DCUN1D1: variants seen among roughly 807,000 people sequenced by gnomAD.
DCUN1D1 encodes defective in cullin neddylation 1 domain containing 1, also known as DCN1-like protein 1.
Under a neutral mutation model 39.0 loss-of-function variants are expected in DCUN1D1, and 3 were observed. That is an observed-to-expected ratio of 0.08 (90% confidence interval 0.04 to 0.20). DCUN1D1 has a LOEUF of 0.20. Ranked by LOEUF, DCUN1D1 falls within the 10% of genes least tolerant of loss-of-function variation. The probability of loss-of-function intolerance (pLI) is 1.00; values close to 1 mark genes in which losing one functional copy is unlikely to be tolerated. For synonymous variants in DCUN1D1, 82 were observed against 96.3 expected (o/e 0.85, Z 0.87); for missense variants, 158 against 302.4 (o/e 0.52, Z 3.54).
intron 1 of DCUN1D1, among the ~76,000 whole-genome samples, chr3:182,973,258 G>T (rs1400907944): frequency 6.6e-6 from 1 of 152,136 alleles, no homozygotes; most frequent in African/African-American, 2.4e-5. Flanking sequence ...GATGGACAAA[G>T]GGATGACCAA....
At chr3:182,946,395 A>C (rs966770855) in intron 6 of DCUN1D1, among the ~76,000 whole-genome samples, 1 of 152,066 alleles carries the variant, frequency 6.6e-6, no homozygotes, top group African/African-American at 2.4e-5. Context: ...GTCTCTACTA[A>C]AAATACAAAA....
chr3:182,977,947 G>A (rs1166381579), intron 1 of DCUN1D1, among the ~76,000 whole-genome samples: 3 of 151,416 alleles, frequency 2.0e-5, no homozygotes, highest in Non-Finnish European at 2.9e-5. Flanking sequence ...GGCTTAGGCT[G>A]GAGAATCGCT....
chr3:182,950,657 C>T (rs67343033), intron 4 of DCUN1D1: 17,820 of 151,922 alleles, frequency 0.12, 1,206 homozygotes, highest in Middle Eastern at 0.18. Flanking sequence ...TACTTTTATA[C>T]ATAATTTGTT....
chr3:182,950,715 A>G (rs1395084472), intron 4 of DCUN1D1: 1 of 151,944 alleles, frequency 6.6e-6, no homozygotes, highest in African/African-American at 2.4e-5. Flanking sequence ...TAAAAAATAC[A>G]TAATACTGGC....
intron 1 of DCUN1D1, chr3:182,980,150 C>G (rs1044488202): frequency 3.7e-5 from 29 of 775,980 alleles, no homozygotes; most frequent in African/African-American, 7.5e-5. Context: ...CCGTTGCCCC[C>G]TCCCCTCCCC....
intron 6 of DCUN1D1, among the ~76,000 whole-genome samples, chr3:182,946,787 G>C (rs142151571): frequency 6.6e-6 from 1 of 152,086 alleles, no homozygotes; most frequent in African/African-American, 2.4e-5. Context: ...ATTGGTAAAT[G>C]TATGAAGGTA....
intron 1 of DCUN1D1, among the ~76,000 whole-genome samples, chr3:182,978,348 C>T (rs1319905466): frequency 2.0e-5 from 3 of 152,068 alleles, no homozygotes; most frequent in Non-Finnish European, 4.4e-5. Context: ...TTCTTACTGC[C>T]TAACTTCGAT....
intron 4 of DCUN1D1, among the ~76,000 whole-genome samples, chr3:182,956,962 G>A (rs896858474): frequency 6.6e-6 from 1 of 152,188 alleles, no homozygotes; most frequent in Non-Finnish European, 1.5e-5. Flanking sequence ...GGATAGTAGT[G>A]GGAATAACAA....
At chr3:182,960,778 A>C (rs1247428336) in intron 4 of DCUN1D1, among the ~76,000 whole-genome samples, 1 of 152,246 alleles carries the variant, frequency 6.6e-6, no homozygotes, top group Non-Finnish European at 1.5e-5. Flanking sequence ...ATGAATGATA[A>C]GCACTTCATT....
chr3:182,973,323 A>G (rs1014374156), intron 1 of DCUN1D1, among the ~76,000 whole-genome samples: 5 of 152,168 alleles, frequency 3.3e-5, no homozygotes, highest in Non-Finnish European at 7.3e-5. Flanking sequence ...ACAATTTAAA[A>G]CTTATGAACT....
chr3:182,959,517 A>AAC (rs1553841978), intron 4 of DCUN1D1, among the ~76,000 whole-genome samples: 4 of 150,134 alleles, frequency 2.7e-5, no homozygotes, highest in African/African-American at 5.0e-5. Flanking sequence ...AAAAAAAAAA[A>AAC]AAAAAAAAAC....
chr3:182,955,419 C>G, intron 4 of DCUN1D1: 2 of 540,340 alleles, frequency 3.7e-6, no homozygotes, highest in South Asian at 2.8e-5. Flanking sequence ...CCACATTTTG[C>G]GCAAACTTCA....
At chr3:182,960,547 T>C (rs1167471799) in intron 4 of DCUN1D1, among the ~76,000 whole-genome samples, 6 of 152,314 alleles carry the variant, frequency 3.9e-5, no homozygotes, top group Admixed American at 3.9e-4. Flanking sequence ...CAGGAAGCAT[T>C]TCCCAACCAC....
chr3:182,974,533 T>A (rs1205436550), intron 1 of DCUN1D1, among the ~76,000 whole-genome samples: 5 of 151,144 alleles, frequency 3.3e-5, no homozygotes, highest in Non-Finnish European at 7.4e-5. Context: ...AATTCCACGG[T>A]TAAGTTCTAA....
chr3:182,972,873 T>C (rs1189057136), intron 1 of DCUN1D1, among the ~76,000 whole-genome samples: 5 of 152,080 alleles, frequency 3.3e-5, no homozygotes, highest in Admixed American at 2.0e-4. Context: ...AGAAACCCCA[T>C]CTCGACTAAG....
intron 6 of DCUN1D1, among the ~76,000 whole-genome samples, chr3:182,946,635 A>G (rs2108622023): frequency 6.6e-6 from 1 of 152,190 alleles, no homozygotes; most frequent in Non-Finnish European, 1.5e-5. Flanking sequence ...ACAGATGAAA[A>G]AGAGATACAA....
Position 182,961,109 on chromosome 3 carries a change from T to C in DCUN1D1, c.520+117A>G, listed in dbSNP as rs1474412726. ...TTTCCTGTTTCTAATTACTTTTCAATAACTGGTATTTTCATGACTTTATGC... is the reference window on the plus strand; with the variant it reads ...TTTCCTGTTTCTAATTACTTTTCAACAACTGGTATTTTCATGACTTTATGC... On this transcript the variant is annotated intron_variant, in intron 4 of 6. Coordinates refer to ENST00000292782, the MANE Select transcript of DCUN1D1 (RefSeq NM_020640.4). 24 of 750,070 alleles carry C rather than the reference T, an allele frequency of 3.2e-5. No individual in the cohort carries two copies. In the South Asian group the frequency reaches 3.4e-4, roughly 11 times the overall value. The allele number at this position is 750,070 out of a possible 1,614,324, so 46.5% of individuals were successfully genotyped here.
intron 4 of DCUN1D1, among the ~76,000 whole-genome samples, chr3:182,949,890 C>A (rs369750082): frequency 2.6e-5 from 4 of 152,162 alleles, no homozygotes; most frequent in Non-Finnish European, 5.9e-5. Context: ...ACTGCTAAGT[C>A]GACAAACTTC....
chr3:182,958,790 A>G (rs1305506712), intron 4 of DCUN1D1, among the ~76,000 whole-genome samples: 1 of 152,194 alleles, frequency 6.6e-6, no homozygotes, highest in Non-Finnish European at 1.5e-5. Context: ...CCAATTTACC[A>G]TATTAATATA....
Sources: allele counts gnomAD v4.1 joint callset (sites outside exome capture counted in the v4.1 genomes callset), GRCh38; gene constraint gnomAD v4.1.1; transcripts MANE v1.5; gene names NCBI Gene and HGNC (gene_info 2026-07-23, HGNC 2026-07-21).